AFAP1L2: variants seen among roughly 807,000 people sequenced by gnomAD.
AFAP1L2 encodes the protein actin filament-associated protein 1-like 2.
AFAP1L2 carries 46 observed loss-of-function variants against 99.3 expected under a neutral mutation model. The ratio of observed to expected loss-of-function variants is 0.46; its 90% CI spans 0.37 to 0.59. The LOEUF (loss-of-function observed/expected upper bound fraction) is 0.59. Ranked by LOEUF, AFAP1L2 falls within the 20% of genes least tolerant of loss-of-function variation. The probability of loss-of-function intolerance (pLI) is 0.00; values close to 1 mark genes in which losing one functional copy is unlikely to be tolerated. For missense variants in AFAP1L2, 959 were observed against 1,034.9 expected, an observed-to-expected ratio of 0.93 and a Z score of 1.01; for synonymous variants, 397 against 419.1, an observed-to-expected ratio of 0.95 and a Z score of 0.64.
At chr10:114,290,221 A>T (rs1190072592), downstream of AFAP1L2, 4 of 1,549,906 alleles carry the variant, frequency 2.6e-6, no homozygotes, top group Non-Finnish European at 3.5e-6. Context: ...CCTGGTGGGT[A>T]TGGTGTTCTC....
the AFAP1L2 span, chr10:114,289,822 A>G: frequency 5.2e-6 from 2 of 386,894 alleles, no homozygotes. Context: ...TGACTTGGGC[A>G]GTGACAGAGC....
At chr10:114,306,902 G>GC (rs1427090793) in intron 10 of AFAP1L2, among the ~76,000 whole-genome samples, 1 of 152,132 alleles carries the variant, frequency 6.6e-6, no homozygotes, top group Admixed American at 6.5e-5. Flanking sequence ...GGCTGGAGAA[G>GC]CCGGAGAATG....
intron 13 of AFAP1L2, among the ~76,000 whole-genome samples, chr10:114,301,134 GT>G (rs1394906317): frequency 1.3e-5 from 2 of 152,236 alleles, no homozygotes; most frequent in Non-Finnish European, 2.9e-5. Flanking sequence ...GTTCACCGGT[GT>G]TTCATCTAGA....
chr10:114,281,073 T>C, the AFAP1L2 span: 5 of 152,254 alleles, frequency 3.3e-5, no homozygotes, highest in Admixed American at 2.6e-4. Flanking sequence ...GAGCTCTGAA[T>C]TGACTTGGCG....
intron 1 of AFAP1L2, among the ~76,000 whole-genome samples, chr10:114,367,794 A>C (rs531452112): frequency 6.6e-6 from 1 of 152,348 alleles, no homozygotes; most frequent in South Asian, 2.1e-4. Context: ...AATGTTTTGC[A>C]ACATCAACAG....
downstream of AFAP1L2, chr10:114,290,246 A>G: frequency 6.4e-7 from 1 of 1,550,458 alleles, no homozygotes; most frequent in Non-Finnish European, 8.7e-7. Flanking sequence ...GTAGAAGCCA[A>G]GCAGCCAGTC....
chr10:114,310,531 G>A (rs2134473419), intron 7 of AFAP1L2, 88 bp from the exon 8 acceptor site: 3 of 1,172,244 alleles, frequency 2.6e-6, no homozygotes, highest in South Asian at 1.5e-5. Flanking sequence ...CTGCAGGTCA[G>A]GGGAGAGTGG....
At chr10:114,387,740 A>G (rs1041776164) in intron 1 of AFAP1L2, among the ~76,000 whole-genome samples, 1 of 152,192 alleles carries the variant, frequency 6.6e-6, no homozygotes, top group African/African-American at 2.4e-5. Context: ...GCAACTTTCG[A>G]ACAGTATTTA....
At chr10:114,404,419 G>A in intron 1 of AFAP1L2, 21 bp downstream of exon 1, 1 of 1,541,918 alleles carries the variant, frequency 6.5e-7, no homozygotes, top group South Asian at 1.2e-5. Flanking sequence ...TGTGCGCCGC[G>A]CGAGGAACCC....
At chr10:114,369,927 G>GC (rs1175729162) in intron 1 of AFAP1L2, among the ~76,000 whole-genome samples, 2 of 152,108 alleles carry the variant, frequency 1.3e-5, no homozygotes, top group Non-Finnish European at 2.9e-5. Flanking sequence ...GGTTCTACCT[G>GC]CCCACATACA....
downstream of AFAP1L2, among the ~76,000 whole-genome samples, chr10:114,294,168 C>A (rs138166135): frequency 3.2e-4 from 49 of 152,226 alleles, no homozygotes; most frequent in East Asian, 8.3e-3. Context: ...ATAAACCCTG[C>A]TGAATTTTTC....
chr10:114,302,199 C>G (rs2041316798), intron 12 of AFAP1L2, 140 bp downstream of exon 12: 5 of 1,300,398 alleles, frequency 3.8e-6, no homozygotes, highest in Non-Finnish European at 5.4e-6. Context: ...AGGGCTACTC[C>G]TTGGCTTCAC....
intron 4 of AFAP1L2, among the ~76,000 whole-genome samples, chr10:114,330,218 CGAAT>C (rs1329400773): frequency 6.6e-6 from 1 of 152,160 alleles, no homozygotes; most frequent in African/African-American, 2.4e-5. Flanking sequence ...CAGGAAGGCA[CGAAT>C]GAAGGGGCCA....
chr10:114,374,455 CT>C (rs1023988421), intron 1 of AFAP1L2, among the ~76,000 whole-genome samples: 8 of 152,162 alleles, frequency 5.3e-5, no homozygotes, highest in Admixed American at 6.5e-5. Context: ...CCTGGAGCCT[CT>C]TCATGGACAC....
rs199530473 is a variant in AFAP1L2 at position 114,296,042 on chromosome 10, C to T, written c.2457G>A (p.Ter819=). 118 of 1,614,168 alleles carry T rather than the reference C, an allele frequency of 7.3e-5. 1 individual carries two copies. In the African/African-American group the frequency reaches 1.5e-3, roughly 20 times the overall value. ...AKEWEKKGAS[*] is the part of the protein sequence containing the mutation. ...AGAGTCTTTAGATGAAGCTTGTTTTCTAACTTGCTCCTTTCTTCTCCCATT... is the reference window on the plus strand; with the variant it reads ...AGAGTCTTTAGATGAAGCTTGTTTTTTAACTTGCTCCTTTCTTCTCCCATT... Residue 819 remains the stop codon, a stop_retained_variant, in exon 19 of 19, where the codon TAG becomes TAA. Coordinates refer to ENST00000304129, the MANE Select transcript of AFAP1L2 (RefSeq NM_001001936.3).
intron 2 of AFAP1L2, 147 bp downstream of exon 2, chr10:114,340,456 T>G: frequency 5.4e-6 from 6 of 1,106,920 alleles, no homozygotes; most frequent in African/African-American, 1.6e-5. Context: ...GATACCTTGA[T>G]GTTAGACTTC....
Position 114,397,106 on chromosome 10 carries a change from G to C in AFAP1L2, c.16+7334C>G, listed in dbSNP as rs183717404. 4.4e-5 allele frequency among the ~76,000 whole-genome samples: 6 copies of C among 137,604 alleles called. No individual in the cohort carries two copies. The East Asian group carries it at 1.2e-3, about 28-fold the overall frequency. The allele number at this position is 137,604 out of a possible 152,430, so 90.3% of individuals were successfully genotyped here. ...TGTTTTTAAAAGTCAGCTTTATTGA[G>C]GTTAATTTACACACAGAAAAAAAAA... On this transcript the variant is annotated intron_variant, in intron 1 of 18. Transcript: ENST00000304129.
rs546176419 is a variant in AFAP1L2, at chr10:114,388,793, G to A, written c.16+15647C>T. ...CCCTGGGGCTGATACTTGAGCTTGA[G>A]AAAACAGAAATGAGGATTTCTATTG... is the stretch of plus-strand genomic sequence containing the variant. On this transcript the variant is annotated intron_variant, in intron 1 of 18. Coordinates refer to ENST00000304129, the MANE Select transcript of AFAP1L2 (RefSeq NM_001001936.3). Among the ~76,000 whole-genome samples, 281 of 152,312 alleles carry A rather than the reference G, an allele frequency of 1.8e-3. 1 individual carries two copies. The highest frequency in any genetic ancestry group is 6.8e-3 in the Middle Eastern group (2 of 294).
chr10:114,384,343 G>A (rs1317470640), intron 1 of AFAP1L2, among the ~76,000 whole-genome samples: 2 of 150,930 alleles, frequency 1.3e-5, no homozygotes, highest in African/African-American at 4.9e-5. Flanking sequence ...CGCTGCAAGT[G>A]ATGAACCAAC....
Sources: allele counts gnomAD v4.1 joint callset (sites outside exome capture counted in the v4.1 genomes callset), GRCh38; gene constraint gnomAD v4.1.1; transcripts MANE v1.5; gene names NCBI Gene and HGNC (gene_info 2026-07-23, HGNC 2026-07-21).